SETD1B: variants seen among roughly 807,000 people sequenced by gnomAD.
SETD1B encodes the protein SET domain containing 1B, histone lysine methyltransferase.
In SETD1B, 7 loss-of-function variants were observed where a neutral mutation model predicts 148.0. That is an observed-to-expected ratio of 0.05 (90% CI 0.03 to 0.09). SETD1B has a LOEUF of 0.09. Among genes scored for constraint, SETD1B ranks in the 10% least tolerant of loss-of-function variants. SETD1B has a pLI of 1.00. For synonymous variants in SETD1B, 1,361 were observed against 1,186.5 expected, an observed-to-expected ratio of 1.15 and a Z score of -3.02; for missense variants, 2,155 against 2,729.9, an observed-to-expected ratio of 0.79 and a Z score of 4.69.
At position 121,817,798 on chromosome 12, in the gene SETD1B, GGATGACGAC is replaced by G; in HGVS notation, c.3322_3330del (p.Asp1108_Asp1110del). On this transcript the variant is annotated inframe_deletion and splice_region_variant, in exon 10 of 17. Transcript: ENST00000604567. The surrounding 1 kb of genome is among the most constrained non-coding windows in gnomAD (Gnocchi z 8.1). Reference sequence around the variant, plus strand: ...TGTCCCCACTCTTCCTTCTCCCCCAGGATGACGACGATGACGACAGTGATGACCGGGACG... The same window carrying G: ...TGTCCCCACTCTTCCTTCTCCCCCAGGATGACGACAGTGATGACCGGGACG... 1 of 1,549,310 alleles carries G rather than the reference GGATGACGAC, an allele frequency of 6.5e-7. No homozygotes were observed. Among genetic ancestry groups the G allele is most frequent in the Non-Finnish European group, 8.7e-7 (1 of 1,145,696 alleles).
At position 121,822,550 on chromosome 12, in the gene SETD1B, C is replaced by T. The variant is rs1298100332; in HGVS notation, c.3971C>T (p.Pro1324Leu). 6.4e-7 allele frequency: 1 copy of T among 1,551,128 alleles called. No homozygotes were observed. The highest frequency in any genetic ancestry group is 8.7e-7 in the Non-Finnish European group (1 of 1,146,616). ...ATGCTCCCCTTGCCGCTGCAACCAC[C>T]ATTGCCGCCCCCACGACCACCCCGG... The part of the protein sequence containing the change: ...PMMLPLPLQP[P>L]LPPPRPPRPP... The change falls in exon 12 of 17, where the codon CCA becomes CTA. Residue 1324 changes from proline to leucine, a missense_variant. By Grantham distance (98) the Pro-to-Leu change is moderately conservative. Coordinates refer to ENST00000604567, the MANE Select transcript of SETD1B (RefSeq NM_001353345.2).
In SETD1B at chr12:121,828,969, T is replaced by C. The variant is rs373813769; in HGVS notation, c.5727+899T>C. On this transcript the variant is annotated intron_variant, in intron 16 of 16. Transcript: ENST00000604567. ...TGAATATCCGGGGAGATCTGAGGGG[T>C]GAGAGGGAATTGCCCAGGGGAAGCG... Among the ~76,000 whole-genome samples, 46 of 151,090 alleles carry C rather than the reference T, an allele frequency of 3.0e-4. 1 individual carries two copies. The South Asian group carries it at 9.5e-3, about 31-fold the overall frequency.
At position 121,817,683 on chromosome 12, in the gene SETD1B, A is replaced by G. The variant is rs1212976007; in HGVS notation, c.3291A>G (p.Ser1097=). 1 of 1,549,166 alleles carries G rather than the reference A, an allele frequency of 6.5e-7. No individual in the cohort carries two copies. The highest frequency in any genetic ancestry group is 8.7e-7 in the Non-Finnish European group (1 of 1,145,394). ...CCAGGAGCCAGCTCTCCTCCTCCTC[A>G]ACCTCATCCACATCAGATAAGGTGC... ...EVPRSQLSSS[S]TSSTSDKDDD... Residue 1097 remains serine, a synonymous_variant, in exon 9 of 17, where the codon TCA becomes TCG. Transcript: ENST00000604567. This position sits in a 1 kb window ranked among gnomAD's most constrained non-coding sequence, Gnocchi z 8.1.
intron 11 of SETD1B, 121 bp from the exon 12 acceptor site, chr12:121,822,369 A>C: frequency 8.4e-7 from 1 of 1,196,578 alleles, no homozygotes; most frequent in Non-Finnish European, 1.1e-6. Flanking sequence ...TAGCTGGAGA[A>C]GGACAGGTCC....
intron 7 of SETD1B, among the ~76,000 whole-genome samples, chr12:121,815,694 A>G (rs1292703156): frequency 2.0e-5 from 3 of 151,948 alleles, no homozygotes; most frequent in Admixed American, 6.6e-5. Context: ...GTTTTTCTGT[A>G]AAGACAGAGT....
chr12:121,799,731 T>TGGGGGGGGTGGGGGGGGTGGGG (rs1308261766), upstream of SETD1B: 4 of 31,720 alleles, frequency 1.3e-4, no homozygotes, highest in South Asian at 1.3e-3. Context: ...GGGGGGGGGG[T>TGGGGGGGGTGGGGGGGGTGGGG]GGGGTGGGGC....
intron 6 of SETD1B, 97 bp from the exon 7 acceptor site, chr12:121,814,009 C>A: frequency 9.9e-7 from 1 of 1,008,972 alleles, no homozygotes; most frequent in Non-Finnish European, 1.4e-6. Flanking sequence ...GGTCACACAG[C>A]TGGGAGTGCC....
At chr12:121,803,533 G>C (rs1034948221), upstream of SETD1B, 5 of 152,226 alleles carry the variant, frequency 3.3e-5, no homozygotes, top group African/African-American at 1.2e-4. The surrounding 1 kb of genome is among the most constrained non-coding windows in gnomAD (Gnocchi z 4.7). Flanking sequence ...CAGATACCTC[G>C]ATTGCAACTC....
At position 121,830,392 on chromosome 12, in the gene SETD1B, C is replaced by A. The variant is rs891060884; in HGVS notation, c.*153C>A. ...TTCAGGGCCTGGCGCCCCACACTAC[C>A]CCCTGGAGCCCCTGGCTCCGGCCCC... is the stretch of plus-strand genomic sequence containing the variant. On this transcript the variant is annotated 3_prime_UTR_variant, in exon 17 of 17. Transcript: ENST00000604567. This position sits in a 1 kb window ranked among gnomAD's most constrained non-coding sequence, Gnocchi z 5.7. The A allele has an allele frequency of 2.4e-5, 15 of 637,742 alleles. No homozygotes were observed. The African/African-American group carries it at 2.6e-4, about 11-fold the overall frequency. The allele number at this position is 637,742 out of a possible 1,614,324, so 39.5% of individuals were successfully genotyped here.
chr12:121,798,354 T>C, the SETD1B span, among the ~76,000 whole-genome samples: 8 of 152,316 alleles, frequency 5.3e-5, no homozygotes, highest in Admixed American at 2.0e-4. Context: ...AGATTCCCCT[T>C]TGCCCTGAGG....
At chr12:121,797,838 G>A in the SETD1B span, 4 of 340,646 alleles carry the variant, frequency 1.2e-5, no homozygotes, top group African/African-American at 4.3e-5. Context: ...GGAGGCTTTT[G>A]GGATATTAAC....
At chr12:121,797,348 C>T in the SETD1B span, 12 of 428,462 alleles carry the variant, frequency 2.8e-5, no homozygotes, top group Admixed American at 1.0e-4. Context: ...TGGGGCCCAG[C>T]GCCAGCAGCG....
In SETD1B at chr12:121,810,265, T is replaced by C. The variant is rs756447127; in HGVS notation, c.1320T>C (p.Ala440=). ...CGGCGCCCCCACCCCTGCCACCTGC[T>C]GAGCCTCTGGCCAAGGAGAAGCCAG... is the stretch of plus-strand genomic sequence containing the variant. ...RAPAPPPLPP[A]EPLAKEKPGT... The change falls in exon 6 of 17, where the codon GCT becomes GCC. Residue 440 remains alanine, a synonymous_variant. Coordinates refer to ENST00000604567, the MANE Select transcript of SETD1B (RefSeq NM_001353345.2). This position sits in a 1 kb window ranked among gnomAD's most constrained non-coding sequence, Gnocchi z 7.6. The C allele has an allele frequency of 2.6e-6, 4 of 1,545,046 alleles. No individual in the cohort carries two copies. In the South Asian group the frequency reaches 4.8e-5, roughly 18 times the overall value.
At chr12:121,819,069 A>G (rs947262864) in intron 10 of SETD1B, among the ~76,000 whole-genome samples, 2 of 150,646 alleles carry the variant, frequency 1.3e-5, no homozygotes, top group African/African-American at 2.4e-5. Context: ...ACATGGTGAA[A>G]CCCTGTCTCT....
At chr12:121,798,482 AG>A in the SETD1B span, among the ~76,000 whole-genome samples, 5 of 152,204 alleles carry the variant, frequency 3.3e-5, no homozygotes, top group Non-Finnish European at 7.3e-5. Context: ...GCCAACTAAA[AG>A]CTTGGGAGGA....
At position 121,830,371 on chromosome 12, in the gene SETD1B, G is replaced by A. The variant is rs946069062; in HGVS notation, c.*132G>A. On this transcript the variant is annotated 3_prime_UTR_variant, in exon 17 of 17. Transcript: ENST00000604567. The surrounding 1 kb of genome is among the most constrained non-coding windows in gnomAD (Gnocchi z 5.7). ...CTGTCCTCTACCCAGCGGCCATTCA[G>A]GGCCTGGCGCCCCACACTACCCCCT... 2.3e-6 allele frequency: 2 copies of A among 856,678 alleles called. No homozygotes were observed. Among genetic ancestry groups the A allele is most frequent in the Non-Finnish European group, 3.5e-6 (2 of 574,840 alleles). The allele number at this position is 856,678 out of a possible 1,614,324, so 53.1% of individuals were successfully genotyped here.
Position 121,830,544 on chromosome 12 carries a change from T to G in SETD1B, c.*305T>G. On this transcript the variant is annotated 3_prime_UTR_variant, in exon 17 of 17. Transcript: ENST00000604567. This position sits in a 1 kb window ranked among gnomAD's most constrained non-coding sequence, Gnocchi z 5.7. ...CTCCGTCTCTCCTCCCCTCTCTCTC[T>G]TCTCTGTCTCTTCTCTCTCCCACCA... 2 of 277,362 alleles carry G rather than the reference T, an allele frequency of 7.2e-6. No individual in the cohort carries two copies. Among genetic ancestry groups the G allele is most frequent in the Non-Finnish European group, 1.4e-5 (2 of 147,724 alleles). The allele number at this position is 277,362 out of a possible 1,614,324, so 17.2% of individuals were successfully genotyped here. A position where few individuals can be genotyped will look rare whatever the true frequency, so the allele number is the denominator to read the frequency against.
chr12:121,814,998 C>A, intron 7 of SETD1B, 68 bp downstream of exon 7: 1 of 1,372,144 alleles, frequency 7.3e-7, no homozygotes, highest in Non-Finnish European at 9.9e-7. Flanking sequence ...CCGGGCACCT[C>A]CTCTTTCCCT....
the SETD1B span, among the ~76,000 whole-genome samples, chr12:121,792,310 C>T: frequency 1.3e-5 from 2 of 152,224 alleles, no homozygotes; most frequent in African/African-American, 2.4e-5. Context: ...GAGGCCCCAC[C>T]TGGGGATCTC....
Sources: allele counts gnomAD v4.1 joint callset (sites outside exome capture counted in the v4.1 genomes callset), GRCh38; gene constraint gnomAD v4.1.1; non-coding constraint Gnocchi (gnomAD v3.1); transcripts MANE v1.5; gene names NCBI Gene and HGNC (gene_info 2026-07-23, HGNC 2026-07-21).